CDH20: variants seen among roughly 807,000 people sequenced by gnomAD.
CDH20 encodes the protein cadherin 20.
In CDH20, 29 loss-of-function variants were observed where a neutral mutation model predicts 74.2. The observed-to-expected ratio is 0.39, with a 90% CI of 0.29 to 0.53. The LOEUF (loss-of-function observed/expected upper bound fraction) is 0.53. Among genes scored for constraint, CDH20 ranks in the 20% least tolerant of loss-of-function variants. The probability of loss-of-function intolerance (pLI) is 0.69; values close to 1 mark genes in which losing one functional copy is unlikely to be tolerated. For synonymous variants in CDH20, 469 were observed against 405.4 expected (o/e 1.16, Z -1.88); for missense variants, 988 against 1,048.3 (o/e 0.94, Z 0.79).
At chr18:61,444,418 G>A (rs1258246688) in intron 1 of CDH20, among the ~76,000 whole-genome samples, 4 of 152,150 alleles carry the variant, frequency 2.6e-5, no homozygotes, top group Admixed American at 2.6e-4. Flanking sequence ...AGACCAAAAG[G>A]GATGTTCAAT....
intron 8 of CDH20, among the ~76,000 whole-genome samples, chr18:61,538,577 A>C (rs1912888804): frequency 8.7e-5 from 2 of 22,920 alleles, no homozygotes. Flanking sequence ...GTAAATAACT[A>C]CTTTTTGTTT....
At chr18:61,393,167 A>G (rs1000250771) in intron 1 of CDH20, among the ~76,000 whole-genome samples, 2 of 152,198 alleles carry the variant, frequency 1.3e-5, no homozygotes, top group African/African-American at 4.8e-5. Flanking sequence ...TTCCTAAGAT[A>G]GTCTCACTTT....
At position 61,428,718 on chromosome 18, in the gene CDH20, A is replaced by T. The variant is rs541541025; in HGVS notation, c.-152-61684A>T. Among the ~76,000 whole-genome samples, 7 of 152,272 alleles carry T rather than the reference A, an allele frequency of 4.6e-5. No individual in the cohort carries two copies. In the East Asian group the frequency reaches 1.4e-3, roughly 29 times the overall value. On this transcript the variant is annotated intron_variant, in intron 1 of 11. Transcript: ENST00000262717. ...GATGGACTCTGCATAGAATCACCAC[A>T]TCTCTCAGACACTAGCCCATGGTTC...
intron 1 of CDH20, among the ~76,000 whole-genome samples, chr18:61,475,758 G>A (rs1910355447): frequency 6.6e-6 from 1 of 152,146 alleles, no homozygotes; most frequent in African/African-American, 2.4e-5. Context: ...CCATCAGGAT[G>A]TTTTCTCTTT....
chr18:61,380,940 A>C (rs1185027699), intron 1 of CDH20, among the ~76,000 whole-genome samples: 1 of 152,242 alleles, frequency 6.6e-6, no homozygotes, highest in African/African-American at 2.4e-5. Flanking sequence ...TATTTTGCAG[A>C]AAGCATATAG....
chr18:61,469,969 A>G (rs1910106994), intron 1 of CDH20, among the ~76,000 whole-genome samples: 1 of 152,186 alleles, frequency 6.6e-6, no homozygotes, highest in Non-Finnish European at 1.5e-5. Flanking sequence ...TTTCCCCTAT[A>G]TGTTCAGATT....
intron 1 of CDH20, among the ~76,000 whole-genome samples, chr18:61,347,847 C>T (rs1910183991): frequency 6.6e-6 from 1 of 151,910 alleles, no homozygotes; most frequent in Non-Finnish European, 1.5e-5. Flanking sequence ...ATAAACAATA[C>T]TTTTTTTTCA....
rs1599164028 is a variant in CDH20, at chr18:61,550,174, C to T, written c.1845C>T (p.Val615=). The T allele has an allele frequency of 5.0e-6, 8 of 1,614,140 alleles. No individual in the cohort carries two copies. Among genetic ancestry groups the T allele is most frequent in the Non-Finnish European group, 6.8e-6 (8 of 1,180,052 alleles). The part of the protein sequence containing the change: ...SCSPEAYMLP[V]SLSRGALIAI... ...GCCCAGAGGCCTACATGCTCCCAGT[C>T]AGTTTGAGCCGGGGCGCCCTCATTG... Residue 615 remains valine (V), a synonymous_variant, in exon 11 of 12, where the codon GTC becomes GTT. Coordinates refer to ENST00000262717, the MANE Select transcript of CDH20 (RefSeq NM_031891.4).
At chr18:61,540,538 T>C (rs1054075149) in intron 9 of CDH20, among the ~76,000 whole-genome samples, 6 of 152,120 alleles carry the variant, frequency 3.9e-5, no homozygotes, top group Admixed American at 6.5e-5. Flanking sequence ...GGGAAACCCC[T>C]TATAAAACTA....
At chr18:61,414,420 G>T (rs1414805963) in intron 1 of CDH20, among the ~76,000 whole-genome samples, 1 of 152,086 alleles carries the variant, frequency 6.6e-6, no homozygotes, top group Non-Finnish European at 1.5e-5. Flanking sequence ...AGCTCCAAAA[G>T]AACTAAAGGA....
At chr18:61,352,026 C>T (rs2144114008) in intron 1 of CDH20, among the ~76,000 whole-genome samples, 1 of 152,260 alleles carries the variant, frequency 6.6e-6, no homozygotes, top group East Asian at 1.9e-4. Flanking sequence ...TGTTTTTGAT[C>T]TTTGACCTTC....
intron 1 of CDH20, among the ~76,000 whole-genome samples, chr18:61,403,549 G>A (rs1262004162): frequency 6.6e-6 from 1 of 152,110 alleles, no homozygotes; most frequent in East Asian, 1.9e-4. Context: ...ATACCTCAAG[G>A]TGTTACCAAG....
chr18:61,514,225 C>T (rs1911896099), intron 6 of CDH20, among the ~76,000 whole-genome samples: 1 of 151,224 alleles, frequency 6.6e-6, no homozygotes, highest in African/African-American at 2.4e-5. Flanking sequence ...CTCTAAACTT[C>T]CCTTCTCGCT....
At chr18:61,389,263 C>A (rs191713888) in intron 1 of CDH20, among the ~76,000 whole-genome samples, 108 of 152,260 alleles carry the variant, frequency 7.1e-4, no homozygotes, top group Admixed American at 2.1e-3. Flanking sequence ...GCTCATTTTA[C>A]AACGAGAAAA....
rs1909655842 is a variant in CDH20, at chr18:61,458,471, C to T, written c.-152-31931C>T. On this transcript the variant is annotated intron_variant, in intron 1 of 11. Transcript: ENST00000262717. ...TCTTCCCACACGAGACCACCACAGC[C>T]CTCTCCCTTCCAGAGCCAAGCAGCT... 2.0e-5 allele frequency among the ~76,000 whole-genome samples: 3 copies of T among 152,256 alleles called. No individual in the cohort carries two copies. In the South Asian group the frequency reaches 6.2e-4, roughly 32 times the overall value.
At chr18:61,336,713 T>G (rs531743951) in intron 1 of CDH20, among the ~76,000 whole-genome samples, 53 of 151,932 alleles carry the variant, frequency 3.5e-4, no homozygotes, top group Non-Finnish European at 5.9e-4. Context: ...AATTTTGGAC[T>G]TAAAATGGGG....
chr18:61,535,026 A>G (rs532042613), intron 7 of CDH20, among the ~76,000 whole-genome samples: 24 of 152,188 alleles, frequency 1.6e-4, no homozygotes, highest in Non-Finnish European at 3.1e-4. Context: ...AATTAAAAAA[A>G]TAAAAATGGC....
chr18:61,345,281 G>T (rs1004866348), intron 1 of CDH20, among the ~76,000 whole-genome samples: 1 of 152,144 alleles, frequency 6.6e-6, no homozygotes, highest in African/African-American at 2.4e-5. Flanking sequence ...CAAGATGGTT[G>T]TAGGAGGGAG....
Position 61,488,081 on chromosome 18 carries a change from C to CATATATATATATATAT in CDH20, c.-152-2307_-152-2306insATATATATATATATAT, listed in dbSNP as rs71178973. 6.6e-4 allele frequency among the ~76,000 whole-genome samples: 99 copies of CATATATATATATATAT among 148,886 alleles called. No individual in the cohort carries two copies. In the East Asian group the frequency reaches 6.7e-3, roughly 10 times the overall value. Reference sequence around the variant, plus strand: ...ATACACTAAATAGAATACGTACATACATATATATATATATGTACGTATATA... The same window carrying CATATATATATATATAT: ...ATACACTAAATAGAATACGTACATACATATATATATATATATATATATATATATATGTACGTATATA... On this transcript the variant is annotated intron_variant, in intron 1 of 11. Transcript: ENST00000262717.
Sources: gnomAD v4.1 joint callset for allele counts (sites outside exome capture counted in the v4.1 genomes callset) on GRCh38, gnomAD v4.1.1 for gene constraint, MANE v1.5 for transcripts, NCBI Gene and HGNC (gene_info 2026-07-23, HGNC 2026-07-21) for gene names.